The following JAZF1 variants were observed in gnomAD, a reference collection of about 807,000 sequenced individuals.
JAZF1 encodes JAZF zinc finger 1.
A neutral mutation model predicts 26.4 loss-of-function variants in JAZF1; 8 were observed. That is an observed-to-expected ratio of 0.30 (90% CI 0.18 to 0.55). JAZF1 has a LOEUF of 0.55. JAZF1 is among the 20% of genes least tolerant of loss of function. The pLI is 0.94. For missense variants in JAZF1, 199 were observed against 322.0 expected (o/e 0.62, Z 2.92); for synonymous variants, 126 against 122.3 (o/e 1.03, Z -0.20).
At chr7:28,116,484 A>T (rs1256456246) in intron 1 of JAZF1, among the ~76,000 whole-genome samples, 1 of 151,998 alleles carries the variant, frequency 6.6e-6, no homozygotes, top group Non-Finnish European at 1.5e-5. Flanking sequence ...TCGCCCTGTC[A>T]CCCAGGCTGG....
chr7:27,838,525 A>G (rs1163878490), intron 4 of JAZF1, among the ~76,000 whole-genome samples: 2 of 152,198 alleles, frequency 1.3e-5, no homozygotes, highest in Non-Finnish European at 2.9e-5. Context: ...AGGGAATAAG[A>G]AAAGTCTGAC....
intron 1 of JAZF1, among the ~76,000 whole-genome samples, chr7:28,013,570 C>T (rs1173096597): frequency 6.6e-6 from 1 of 152,080 alleles, no homozygotes; most frequent in Non-Finnish European, 1.5e-5. Flanking sequence ...GATGATGCTG[C>T]TGACTGATCT....
chr7:28,133,203 C>T (rs575733028), intron 1 of JAZF1, among the ~76,000 whole-genome samples: 1 of 152,348 alleles, frequency 6.6e-6, no homozygotes, highest in Non-Finnish European at 1.5e-5. Flanking sequence ...CAGACCACAT[C>T]CATTATGCAC....
chr7:27,978,328 A>T (rs555338037), intron 2 of JAZF1, among the ~76,000 whole-genome samples: 1 of 152,324 alleles, frequency 6.6e-6, no homozygotes, highest in South Asian at 2.1e-4. Flanking sequence ...CAAAGAGAGG[A>T]GAAATACATT....
intron 2 of JAZF1, among the ~76,000 whole-genome samples, chr7:27,951,307 G>A (rs1443193316): frequency 6.6e-6 from 1 of 152,100 alleles, no homozygotes; most frequent in African/African-American, 2.4e-5. Flanking sequence ...CTTTACCCTG[G>A]CATTGCTTGA....
At chr7:27,926,357 G>C (rs965056002) in intron 2 of JAZF1, among the ~76,000 whole-genome samples, 1 of 152,186 alleles carries the variant, frequency 6.6e-6, no homozygotes. Context: ...CAGCAACACT[G>C]TACAAGGGAG....
chr7:28,149,692 G>C (rs550452878), intron 1 of JAZF1, among the ~76,000 whole-genome samples: 1 of 152,294 alleles, frequency 6.6e-6, no homozygotes, highest in African/African-American at 2.4e-5. Flanking sequence ...TTGAATCAGT[G>C]GGGGGAAAGG....
At chr7:27,864,065 G>GCGCAGGGCCCTGACTACCGCCTGGC (rs1783427726) in intron 3 of JAZF1, 1 of 152,210 alleles carries the variant, frequency 6.6e-6, no homozygotes, top group South Asian at 2.1e-4. Flanking sequence ...CTCACCAGGA[G>GCGCAGGGCCCTGACTACCGCCTGGC]CGCAGGGCCC....
intron 1 of JAZF1, among the ~76,000 whole-genome samples, chr7:28,164,143 C>G (rs1783330565): frequency 6.6e-6 from 1 of 152,202 alleles, no homozygotes; most frequent in Non-Finnish European, 1.5e-5. Flanking sequence ...GATGTGAGCC[C>G]AACCCACAGC....
chr7:28,044,063 G>A (rs909495689), intron 1 of JAZF1, among the ~76,000 whole-genome samples: 1 of 152,126 alleles, frequency 6.6e-6, no homozygotes, highest in Admixed American at 6.6e-5. Context: ...ATACAGTGCC[G>A]ATGGTTGTAC....
At chr7:27,907,618 G>C (rs571982485) in intron 2 of JAZF1, among the ~76,000 whole-genome samples, 3 of 152,152 alleles carry the variant, frequency 2.0e-5, no homozygotes, top group Non-Finnish European at 4.4e-5. Flanking sequence ...CTAAGAACAA[G>C]GGACTCCCGG....
chr7:27,886,376 C>T (rs1195846329), intron 3 of JAZF1, among the ~76,000 whole-genome samples: 1 of 152,148 alleles, frequency 6.6e-6, no homozygotes, highest in African/African-American at 2.4e-5. Flanking sequence ...ATTTGCATAC[C>T]ACCTTTAGTC....
At chr7:27,889,062 A>C (rs149131988) in intron 3 of JAZF1, among the ~76,000 whole-genome samples, 11 of 152,330 alleles carry the variant, frequency 7.2e-5, no homozygotes, top group African/African-American at 2.6e-4. Context: ...TAGAAGGCAC[A>C]TAGATACTAC....
At chr7:27,875,865 C>T (rs890007659) in intron 3 of JAZF1, among the ~76,000 whole-genome samples, 3 of 152,158 alleles carry the variant, frequency 2.0e-5, no homozygotes, top group African/African-American at 2.4e-5. Flanking sequence ...AGTAATTATC[C>T]TAGGAGCTAA....
intron 2 of JAZF1, among the ~76,000 whole-genome samples, chr7:27,950,318 A>G (rs1784988294): frequency 6.6e-6 from 1 of 152,226 alleles, no homozygotes; most frequent in Admixed American, 6.5e-5. Flanking sequence ...TTGACAGCGA[A>G]TCACTTGAGG....
chr7:27,912,532 ACC>A (rs1784375245), intron 2 of JAZF1, among the ~76,000 whole-genome samples: 1 of 152,014 alleles, frequency 6.6e-6, no homozygotes, highest in Non-Finnish European at 1.5e-5. Context: ...TTTTTCACCC[ACC>A]CCTATAAATG....
At chr7:28,146,716 TA>T (rs2127947011) in intron 1 of JAZF1, among the ~76,000 whole-genome samples, 1 of 152,334 alleles carries the variant, frequency 6.6e-6, no homozygotes, top group South Asian at 2.1e-4. Context: ...CTTCTTCCTA[TA>T]ATGTTAACTA....
At chr7:28,077,890 G>A (rs552362465) in intron 1 of JAZF1, among the ~76,000 whole-genome samples, 10 of 152,066 alleles carry the variant, frequency 6.6e-5, no homozygotes, top group Non-Finnish European at 1.5e-4. Flanking sequence ...TGTACATCCG[G>A]GTCCTGATTT....
intron 1 of JAZF1, among the ~76,000 whole-genome samples, chr7:28,031,493 T>C (rs1173698376): frequency 1.3e-5 from 2 of 152,166 alleles, no homozygotes; most frequent in African/African-American, 4.8e-5. Context: ...GCAGGAGGAA[T>C]GTAGCTGGCG....
Sources: allele counts gnomAD v4.1 joint callset (sites outside exome capture counted in the v4.1 genomes callset), GRCh38; gene constraint gnomAD v4.1.1; transcripts MANE v1.5; gene names NCBI Gene and HGNC (gene_info 2026-07-23, HGNC 2026-07-21).